The following CNBD1 variants were observed in gnomAD, a reference collection of about 807,000 sequenced individuals.
CNBD1 encodes the protein cyclic nucleotide-binding domain-containing protein 1.
In CNBD1, 71 loss-of-function variants were observed where a neutral mutation model predicts 54.4. The ratio of observed to expected loss-of-function variants is 1.30; its 90% confidence interval spans 1.08 to 1.59. The LOEUF (loss-of-function observed/expected upper bound fraction) is 1.59. Ranked by LOEUF, CNBD1 falls within the 40% of genes most tolerant of loss-of-function variation. The pLI is 0.00. For missense variants in CNBD1, 659 were observed against 518.0 expected (o/e 1.27, Z -2.64); for synonymous variants, 182 against 170.7 (o/e 1.07, Z -0.51).
At chr8:86,981,044 C>A (rs1808475160) in intron 4 of CNBD1, among the ~76,000 whole-genome samples, 1 of 152,152 alleles carries the variant, frequency 6.6e-6, no homozygotes, top group African/African-American at 2.4e-5. Flanking sequence ...GAAAATTGGG[C>A]AAGCTTTGGA....
chr8:87,365,746 A>G (rs888943438), intron 10 of CNBD1, among the ~76,000 whole-genome samples: 5 of 152,092 alleles, frequency 3.3e-5, no homozygotes, highest in Admixed American at 2.0e-4. Flanking sequence ...TAAAATTAAC[A>G]TTAATATGGG....
At position 87,134,851 on chromosome 8, in the gene CNBD1, T is replaced by C. The variant is rs183274086; in HGVS notation, c.432-71142T>C. 4.3e-4 allele frequency among the ~76,000 whole-genome samples: 66 copies of C among 152,006 alleles called. No homozygotes were observed. In the East Asian group the frequency reaches 8.0e-3, roughly 18 times the overall value. ...ATCTCCATCTCCTGACTTCGTGATC[T>C]GCCCGCCTCAGCCTCCCAAAGTGCT... On this transcript the variant is annotated intron_variant, in intron 4 of 10. Transcript: ENST00000518476.
At chr8:87,262,634 A>C (rs1457804662) in intron 6 of CNBD1, among the ~76,000 whole-genome samples, 2 of 152,162 alleles carry the variant, frequency 1.3e-5, no homozygotes, top group Admixed American at 6.6e-5. Context: ...TTTCTGGAGA[A>C]CCTTGACTAA....
chr8:86,949,701 C>T (rs1807555471), intron 4 of CNBD1, among the ~76,000 whole-genome samples: 2 of 151,688 alleles, frequency 1.3e-5, no homozygotes, highest in African/African-American at 4.8e-5. Flanking sequence ...AGGTTAGATG[C>T]CCTTTATTTT....
chr8:87,284,964 C>A (rs1808664717), intron 7 of CNBD1, 149 bp downstream of exon 7: 2 of 567,630 alleles, frequency 3.5e-6, no homozygotes, highest in Non-Finnish European at 5.8e-6. Flanking sequence ...TGACAAAAAT[C>A]ACTTAAGAGT....
intron 4 of CNBD1, among the ~76,000 whole-genome samples, chr8:87,096,343 C>CTTTTTTTTTTTTTTTTTTTT (rs764461082): frequency 8.5e-6 from 1 of 117,170 alleles, no homozygotes; most frequent in Non-Finnish European, 1.8e-5. Context: ...TCTCTGGTGT[C>CTTTTTTTTTTTTTTTTTTTT]TTTTTTTTTT....
chr8:86,998,743 A>G (rs1259125436), intron 4 of CNBD1, among the ~76,000 whole-genome samples: 2 of 152,180 alleles, frequency 1.3e-5, no homozygotes, highest in East Asian at 3.9e-4. Context: ...TTGGAAATAC[A>G]TGTTTTTCGA....
Position 86,994,562 on chromosome 8 carries a change from G to T in CNBD1, c.431+54808G>T, listed in dbSNP as rs192302230. On this transcript the variant is annotated intron_variant, in intron 4 of 10. Transcript: ENST00000518476. ...AGCCTGCTATTTCAAATGTCCATGA[G>T]GGACACTGGTTCCCTTGTAGCTAGC... 1.2e-4 allele frequency among the ~76,000 whole-genome samples: 18 copies of T among 152,340 alleles called. No individual in the cohort carries two copies. In the East Asian group the frequency reaches 2.9e-3, roughly 25 times the overall value.
chr8:87,315,129 G>T (rs1276288733), intron 8 of CNBD1, among the ~76,000 whole-genome samples: 1 of 151,684 alleles, frequency 6.6e-6, no homozygotes, highest in Non-Finnish European at 1.5e-5. Flanking sequence ...AAGTCAGAAA[G>T]AAAAAAATGA....
intron 8 of CNBD1, among the ~76,000 whole-genome samples, chr8:87,345,231 T>C (rs973393979): frequency 6.6e-6 from 1 of 152,208 alleles, no homozygotes; most frequent in Non-Finnish European, 1.5e-5. Flanking sequence ...CATCCTTCCA[T>C]GTGTATTTAG....
chr8:87,230,482 T>A (rs1814659263), intron 5 of CNBD1, among the ~76,000 whole-genome samples: 1 of 152,190 alleles, frequency 6.6e-6, no homozygotes, highest in Non-Finnish European at 1.5e-5. Context: ...AGCACTCATA[T>A]GTATGTATGT....
At chr8:87,386,034 C>T (rs1811177846), downstream of CNBD1, among the ~76,000 whole-genome samples, 1 of 152,144 alleles carries the variant, frequency 6.6e-6, no homozygotes, top group Admixed American at 6.5e-5. Context: ...CAGCAAACTC[C>T]AACAGACCTG....
At chr8:87,051,152 C>T (rs1810302777) in intron 4 of CNBD1, among the ~76,000 whole-genome samples, 1 of 152,162 alleles carries the variant, frequency 6.6e-6, no homozygotes, top group South Asian at 2.1e-4. Context: ...AAGCAGGTTC[C>T]TCCAACTACA....
chr8:87,414,085 C>G (rs867908112), intron 2 of CNBD1, among the ~76,000 whole-genome samples: 3 of 151,986 alleles, frequency 2.0e-5, no homozygotes, highest in African/African-American at 7.2e-5. Context: ...ATGTTTATTG[C>G]GGCACTATTC....
intron 6 of CNBD1, among the ~76,000 whole-genome samples, chr8:87,272,227 G>T (rs1219940055): frequency 6.6e-6 from 1 of 151,824 alleles, no homozygotes; most frequent in Non-Finnish European, 1.5e-5. Flanking sequence ...ATAGTTAGCG[G>T]GGAATAATTA....
intron 4 of CNBD1, among the ~76,000 whole-genome samples, chr8:87,032,128 A>G (rs1460123149): frequency 2.0e-5 from 3 of 152,216 alleles, no homozygotes; most frequent in Admixed American, 6.5e-5. Flanking sequence ...AAGGTTCTTA[A>G]TGGCTGCATA....
intron 4 of CNBD1, among the ~76,000 whole-genome samples, chr8:87,058,945 T>G (rs188699315): frequency 6.6e-6 from 1 of 152,322 alleles, no homozygotes; most frequent in African/African-American, 2.4e-5. Flanking sequence ...GTCTGCAAAT[T>G]TTTGATAATT....
At chr8:87,345,081 T>C (rs778789229) in intron 8 of CNBD1, among the ~76,000 whole-genome samples, 5 of 152,178 alleles carry the variant, frequency 3.3e-5, no homozygotes, top group Non-Finnish European at 7.4e-5. Context: ...CTTTTGATGC[T>C]CTAACAAACT....
intron 6 of CNBD1, among the ~76,000 whole-genome samples, chr8:87,282,903 A>T (rs1808624156): frequency 6.6e-6 from 1 of 152,104 alleles, no homozygotes; most frequent in South Asian, 2.1e-4. Context: ...AATCCTGAGC[A>T]GGAATATAAA....
Sources: allele counts gnomAD v4.1 joint callset (sites outside exome capture counted in the v4.1 genomes callset), GRCh38; gene constraint gnomAD v4.1.1; transcripts MANE v1.5; gene names NCBI Gene and HGNC (gene_info 2026-07-23, HGNC 2026-07-21).